The following MEGF11 variants were observed in gnomAD, a reference collection of about 807,000 sequenced individuals.
MEGF11 encodes the protein multiple epidermal growth factor-like domains protein 11.
MEGF11 carries 126 observed loss-of-function variants against 146.6 expected under a neutral mutation model. That is an observed-to-expected ratio of 0.86 (90% CI 0.74 to 1.00). MEGF11 has a LOEUF of 1.00. Among genes scored for constraint, MEGF11 ranks in the 50% least tolerant of loss-of-function variants. The pLI is 0.00. For synonymous variants in MEGF11, 532 were observed against 583.4 expected (o/e 0.91, Z 1.27); for missense variants, 1,509 against 1,521.2 (o/e 0.99, Z 0.13).
intron 10 of MEGF11, among the ~76,000 whole-genome samples, chr15:65,943,822 G>C (rs982214779): frequency 6.6e-5 from 10 of 152,184 alleles, no homozygotes; most frequent in African/African-American, 2.4e-4. Context: ...TCAAAGTCAG[G>C]GAGGGGTGGC....
At chr15:66,059,087 C>G (rs1468751300) in intron 5 of MEGF11, among the ~76,000 whole-genome samples, 2 of 152,162 alleles carry the variant, frequency 1.3e-5, no homozygotes, top group African/African-American at 2.4e-5. Context: ...TGGAACATCC[C>G]CCCTAGTTAC....
intron 5 of MEGF11, among the ~76,000 whole-genome samples, chr15:65,992,116 G>A (rs551909022): frequency 1.7e-4 from 26 of 152,304 alleles, no homozygotes; most frequent in Middle Eastern, 6.8e-3. Flanking sequence ...AAGGCCATGG[G>A]TACATTCAAT....
rs2081681840 is a variant in MEGF11 at position 65,982,377 on chromosome 15, C to T, written c.506G>A (p.Gly169Glu). The T allele has an allele frequency of 1.3e-6, 2 of 1,533,420 alleles. No homozygotes were observed. Among genetic ancestry groups the T allele is most frequent in the Non-Finnish European group, 1.8e-6 (2 of 1,142,180 alleles). The allele number at this position is 1,533,420 out of a possible 1,614,324, so 95.0% of individuals were successfully genotyped here. A position where few individuals can be genotyped will look rare whatever the true frequency, so the allele number is the denominator to read the frequency against. The change falls in exon 6 of 26, where the codon GGA (glycine) becomes GAA (glutamate). Residue 169 changes from glycine to glutamate, a missense_variant. Coordinates refer to ENST00000395614, the MANE Select transcript of MEGF11 (RefSeq NM_001385028.1). This position sits in a 1 kb window ranked among gnomAD's most constrained non-coding sequence, Gnocchi z 5.6. ...TGCGCAGAGCTCCTCGCAGCGCCAT[C>T]CACGGAAGCCGGCGGCGCACACGCA... is the stretch of plus-strand genomic sequence containing the variant. The part of the protein sequence containing the change: ...GACVCAAGFR[G>E]WRCEELCAPG...
At chr15:65,988,766 T>C (rs1567191956) in intron 5 of MEGF11, among the ~76,000 whole-genome samples, 1 of 152,256 alleles carries the variant, frequency 6.6e-6, no homozygotes, top group Non-Finnish European at 1.5e-5. Context: ...CTGGAGTCTC[T>C]CTGGGCTGGA....
chr15:66,245,322 T>C (rs1054999383), intron 1 of MEGF11, among the ~76,000 whole-genome samples: 2 of 152,040 alleles, frequency 1.3e-5, no homozygotes, highest in Non-Finnish European at 2.9e-5. Flanking sequence ...TGTAAGATAA[T>C]GAGTTGGTTA....
intron 7 of MEGF11, among the ~76,000 whole-genome samples, chr15:65,974,750 A>T (rs1440488382): frequency 6.6e-6 from 1 of 152,142 alleles, no homozygotes; most frequent in Non-Finnish European, 1.5e-5. Flanking sequence ...AGTGCACATT[A>T]TAAGTTCTAG....
At chr15:65,969,958 T>C (rs1233873518) in intron 8 of MEGF11, among the ~76,000 whole-genome samples, 1 of 152,180 alleles carries the variant, frequency 6.6e-6, no homozygotes, top group Non-Finnish European at 1.5e-5. Flanking sequence ...CCTTTTCCTC[T>C]GCACCTGCCC....
rs111257648 is a variant in MEGF11, at chr15:66,056,408, A to G, written c.394+37994T>C. On this transcript the variant is annotated intron_variant, in intron 5 of 25. Coordinates refer to ENST00000395614, the MANE Select transcript of MEGF11 (RefSeq NM_001385028.1). ...GAGGATTATAAACAAGATAATGTAG[A>G]TATAGTGCTCAGCCCTGCACCTGAT... Among the ~76,000 whole-genome samples the G allele has an allele frequency of 6.2e-3, 941 of 152,244 alleles. 13 individuals carry two copies. Among genetic ancestry groups the G allele is most frequent in the African/African-American group, 0.02 (836 of 41,534 alleles).
At chr15:66,050,033 T>A (rs1351241752) in intron 5 of MEGF11, among the ~76,000 whole-genome samples, 1 of 152,232 alleles carries the variant, frequency 6.6e-6, no homozygotes, top group East Asian at 1.9e-4. Context: ...GTCTCTGCTC[T>A]CATGGAACCT....
chr15:65,976,451 C>T (rs1478951288), intron 7 of MEGF11, among the ~76,000 whole-genome samples: 2 of 152,140 alleles, frequency 1.3e-5, no homozygotes, highest in African/African-American at 4.8e-5. Flanking sequence ...TGGGGGGGCT[C>T]TCATCCAACA....
chr15:66,144,252 G>C (rs1051692564), intron 1 of MEGF11, among the ~76,000 whole-genome samples: 1 of 152,098 alleles, frequency 6.6e-6, no homozygotes, highest in Admixed American at 6.5e-5. Flanking sequence ...GCTGGGCATC[G>C]GTGTTGTCCA....
chr15:66,182,298 G>A (rs548578370), intron 1 of MEGF11, among the ~76,000 whole-genome samples: 4 of 152,312 alleles, frequency 2.6e-5, no homozygotes, highest in Non-Finnish European at 5.9e-5. Flanking sequence ...GGTGCCACAG[G>A]TAAGCAGGAA....
At chr15:65,904,466 A>T (rs1024949605) in intron 24 of MEGF11, among the ~76,000 whole-genome samples, 9 of 152,186 alleles carry the variant, frequency 5.9e-5, no homozygotes, top group East Asian at 5.8e-4. Context: ...GGCTGTGTAT[A>T]TCCTAACAAA....
chr15:66,161,785 C>T (rs1164088936), intron 1 of MEGF11, among the ~76,000 whole-genome samples: 1 of 152,166 alleles, frequency 6.6e-6, no homozygotes, highest in Admixed American at 6.5e-5. Flanking sequence ...ACTCAGTGAG[C>T]ACCTACTATG....
chr15:66,071,504 T>G (rs565387486), intron 5 of MEGF11, among the ~76,000 whole-genome samples: 72 of 152,330 alleles, frequency 4.7e-4, no homozygotes, highest in African/African-American at 1.7e-3. Context: ...CTAAGCAAAT[T>G]GTATTGAATT....
In MEGF11 at chr15:65,897,419, A is replaced by C. The variant is rs2078378436; in HGVS notation, c.*515T>G. 1 of 152,258 alleles carries C rather than the reference A, an allele frequency of 6.6e-6. No homozygotes were observed. Among genetic ancestry groups the C allele is most frequent in the Non-Finnish European group, 1.5e-5 (1 of 68,082 alleles). 9.4% of individuals were successfully genotyped at this position (152,258 alleles called of 1,614,324 possible). On this transcript the variant is annotated 3_prime_UTR_variant, in exon 26 of 26. Coordinates refer to ENST00000395614, the MANE Select transcript of MEGF11 (RefSeq NM_001385028.1). The stretch of plus-strand genomic sequence containing the variant: ...AATTTGATGGACCAGACAGATATGT[A>C]CAGACATTTTAAGACTGTTCTGTTT...
At chr15:65,946,266 C>T (rs558901919) in intron 10 of MEGF11, among the ~76,000 whole-genome samples, 4 of 152,290 alleles carry the variant, frequency 2.6e-5, no homozygotes, top group South Asian at 2.1e-4. Flanking sequence ...ACGTGTGAGG[C>T]GAGCAAAGGG....
At position 66,109,960 on chromosome 15, in the gene MEGF11, G is replaced by C. The variant is rs1040266574; in HGVS notation, c.301+9126C>G. Among the ~76,000 whole-genome samples, 4 of 152,350 alleles carry C rather than the reference G, an allele frequency of 2.6e-5. No homozygotes were observed. In the East Asian group the frequency reaches 7.7e-4, roughly 29 times the overall value. On this transcript the variant is annotated intron_variant, in intron 4 of 25. Transcript: ENST00000395614. ...CTCTGCCTCAGGAACTCACTTCTGA[G>C]TGAGAGAGATGGACAGGCACAGCAG...
chr15:66,170,701 T>C (rs1039689765), intron 1 of MEGF11, among the ~76,000 whole-genome samples: 1 of 152,182 alleles, frequency 6.6e-6, no homozygotes, highest in Admixed American at 6.5e-5. Context: ...GGGGGGCCTT[T>C]GAAGTGGACA....
Sources: gnomAD v4.1 joint callset for allele counts (sites outside exome capture counted in the v4.1 genomes callset) on GRCh38, gnomAD v4.1.1 for gene constraint, Gnocchi (gnomAD v3.1) non-coding constraint, MANE v1.5 for transcripts, NCBI Gene and HGNC (gene_info 2026-07-23, HGNC 2026-07-21) for gene names.